The following CDH18 variants were observed in gnomAD, a reference collection of about 807,000 sequenced individuals.
CDH18 encodes the protein cadherin 18.
In CDH18, 31 loss-of-function variants were observed where a neutral mutation model predicts 67.9. The ratio of observed to expected loss-of-function variants is 0.46; its 90% CI spans 0.34 to 0.62. The LOEUF is 0.62. Ranked by LOEUF, CDH18 falls within the 20% of genes least tolerant of loss-of-function variation. CDH18 has a pLI of 0.01. For synonymous variants in CDH18, 362 were observed against 347.2 expected (o/e 1.04, Z -0.48); for missense variants, 890 against 975.5 (o/e 0.91, Z 1.17).
chr5:19,629,947 A>AT (rs1223421030), intron 5 of CDH18, among the ~76,000 whole-genome samples: 1 of 151,872 alleles, frequency 6.6e-6, no homozygotes, highest in Non-Finnish European at 1.5e-5. Context: ...TTATTTATTT[A>AT]TTTTTTTGAA....
chr5:20,311,633 T>A (rs1737002839), intron 1 of CDH18, among the ~76,000 whole-genome samples: 2 of 151,918 alleles, frequency 1.3e-5, no homozygotes, highest in African/African-American at 4.8e-5. Flanking sequence ...CATCACACAC[T>A]GGGCCTGTCA....
intron 3 of CDH18, among the ~76,000 whole-genome samples, chr5:19,771,017 A>G (rs1365087844): frequency 6.6e-6 from 1 of 152,218 alleles, no homozygotes. Flanking sequence ...CTTGAAATAG[A>G]TCATGAGATT....
intron 3 of CDH18, among the ~76,000 whole-genome samples, chr5:19,765,399 T>TA (rs1772940784): frequency 6.2e-5 from 3 of 48,274 alleles, no homozygotes; most frequent in South Asian, 1.6e-3. Flanking sequence ...TTTTTTTATT[T>TA]TTTTTTTAAT....
intron 2 of CDH18, among the ~76,000 whole-genome samples, chr5:20,119,866 T>C (rs888843226): frequency 8.5e-5 from 13 of 152,060 alleles, no homozygotes; most frequent in Non-Finnish European, 4.4e-5. Flanking sequence ...CAGCATCTAA[T>C]TGTAGTTATA....
intron 9 of CDH18, among the ~76,000 whole-genome samples, chr5:19,535,285 C>T (rs1472394518): frequency 6.6e-6 from 1 of 152,144 alleles, no homozygotes; most frequent in Non-Finnish European, 1.5e-5. Flanking sequence ...TAAGGCAATA[C>T]TGATTTCTTT....
intron 5 of CDH18, among the ~76,000 whole-genome samples, chr5:19,680,802 G>A (rs543009507): frequency 4.6e-5 from 7 of 152,012 alleles, no homozygotes; most frequent in East Asian, 1.9e-4. Flanking sequence ...ATGCTTACAC[G>A]CACTGCTGCT....
intron 2 of CDH18, among the ~76,000 whole-genome samples, chr5:20,211,993 G>A (rs759605669): frequency 2.0e-4 from 31 of 152,102 alleles, no homozygotes; most frequent in Non-Finnish European, 4.4e-4. Context: ...TGAGCAAAAG[G>A]AGGATGTTTG....
intron 4 of CDH18, 70 bp downstream of exon 4, chr5:19,746,872 G>A (rs541541561): frequency 3.2e-5 from 39 of 1,232,416 alleles, no homozygotes; most frequent in Non-Finnish European, 2.3e-6. Flanking sequence ...GTAAAAATTG[G>A]TATTCTAAAG....
At chr5:20,391,824 A>G (rs945353073) in intron 1 of CDH18, among the ~76,000 whole-genome samples, 3 of 152,048 alleles carry the variant, frequency 2.0e-5, no homozygotes, top group African/African-American at 7.2e-5. Flanking sequence ...GCCATTTTTT[A>G]TACCCAATCT....
intron 2 of CDH18, among the ~76,000 whole-genome samples, chr5:20,222,450 G>A (rs1316997000): frequency 6.6e-6 from 1 of 152,076 alleles, no homozygotes; most frequent in Non-Finnish European, 1.5e-5. Context: ...GGTATATGTA[G>A]GATTTTCATC....
At chr5:19,858,094 A>G (rs1784497856) in intron 2 of CDH18, among the ~76,000 whole-genome samples, 1 of 151,964 alleles carries the variant, frequency 6.6e-6, no homozygotes, top group African/African-American at 2.4e-5. Context: ...GTTAACTCAA[A>G]GCAAAGTACA....
At chr5:19,846,349 T>G (rs1348998634) in intron 2 of CDH18, among the ~76,000 whole-genome samples, 1 of 152,154 alleles carries the variant, frequency 6.6e-6, no homozygotes, top group African/African-American at 2.4e-5. Context: ...ATTTTTATGT[T>G]GTGTACCAAT....
intron 2 of CDH18, among the ~76,000 whole-genome samples, chr5:20,103,139 G>A (rs1746618063): frequency 6.6e-6 from 1 of 152,122 alleles, no homozygotes; most frequent in Non-Finnish European, 1.5e-5. Context: ...TGCGTCCCCA[G>A]TACAGACAAG....
chr5:20,301,725 T>G (rs1243217089), intron 1 of CDH18, among the ~76,000 whole-genome samples: 1 of 151,932 alleles, frequency 6.6e-6, no homozygotes, highest in African/African-American at 2.4e-5. Context: ...ACTCTACTAG[T>G]AATGTAGAAT....
rs377115214 is a variant in CDH18, at chr5:19,837,728, A to G, written c.228+1031T>C. On this transcript the variant is annotated intron_variant, in intron 3 of 12. Coordinates refer to ENST00000382275, the MANE Select transcript of CDH18 (RefSeq NM_004934.5). ...GCTTGTGATCCTGTACTGCCTACAC[A>G]TTAGGGAAGCGCCACGGCTTAGATG... Among the ~76,000 whole-genome samples the G allele has an allele frequency of 3.3e-5, 5 of 152,238 alleles. 1 individual carries two copies. In the East Asian group the frequency reaches 9.7e-4, roughly 29 times the overall value.
chr5:20,226,664 A>G (rs1741653749), intron 2 of CDH18, among the ~76,000 whole-genome samples: 1 of 152,166 alleles, frequency 6.6e-6, no homozygotes, highest in Non-Finnish European at 1.5e-5. Context: ...ACTAACAAAA[A>G]ATATCAAACA....
At chr5:20,353,603 A>G (rs1479707325) in intron 1 of CDH18, among the ~76,000 whole-genome samples, 2 of 152,326 alleles carry the variant, frequency 1.3e-5, no homozygotes, top group African/African-American at 4.8e-5. Context: ...CCTGGAGTTC[A>G]GGAATTCAGG....
intron 5 of CDH18, among the ~76,000 whole-genome samples, chr5:19,650,610 T>G (rs1213466987): frequency 6.6e-6 from 1 of 152,072 alleles, no homozygotes; most frequent in East Asian, 1.9e-4. Context: ...GAAGCATATT[T>G]TCTCATGCCA....
intron 6 of CDH18, among the ~76,000 whole-genome samples, chr5:19,606,472 T>C (rs1189857746): frequency 6.6e-6 from 1 of 152,084 alleles, no homozygotes; most frequent in Non-Finnish European, 1.5e-5. Flanking sequence ...ATACCAATAA[T>C]CTTTATCTAC....
Sources: gnomAD v4.1 joint callset for allele counts (sites outside exome capture counted in the v4.1 genomes callset) on GRCh38, gnomAD v4.1.1 for gene constraint, MANE v1.5 for transcripts, NCBI Gene and HGNC (gene_info 2026-07-23, HGNC 2026-07-21) for gene names.